Variants in TRPC5 observed in about 807,000 individuals in gnomAD.
The protein encoded by TRPC5 is short transient receptor potential channel 5.
Under a neutral mutation model 56.5 loss-of-function variants are expected in TRPC5, and 9 were observed. That is an observed-to-expected ratio of 0.16 (90% CI 0.10 to 0.28). The LOEUF (loss-of-function observed/expected upper bound fraction) is 0.28, where lower values mean the gene tolerates loss of function less well. TRPC5 is among the 10% of genes least tolerant of loss of function. The probability of loss-of-function intolerance (pLI) is 1.00; values close to 1 mark genes in which losing one functional copy is unlikely to be tolerated. For synonymous variants in TRPC5, 282 were observed against 278.5 expected (o/e 1.01, Z -0.13); for missense variants, 469 against 748.9 (o/e 0.63, Z 4.36).
At chrX:111,966,790 TA>T (rs1350255405) in intron 1 of TRPC5, among the ~76,000 whole-genome samples, 2 of 107,535 alleles carry the variant, frequency 1.9e-5, no homozygotes, top group Non-Finnish European at 3.9e-5. Context: ...CTCTTCATGC[TA>T]AAAACTCTCA....
intron 3 of TRPC5, among the ~76,000 whole-genome samples, chrX:111,864,037 A>G (rs910822055): frequency 9.0e-5 from 10 of 110,998 alleles, no homozygotes; most frequent in African/African-American, 3.3e-4. Context: ...CCCAGGCTGG[A>G]GTGCAGTGGC....
intron 7 of TRPC5, among the ~76,000 whole-genome samples, chrX:111,832,065 A>G (rs1337057119): frequency 2.7e-5 from 3 of 111,662 alleles, no homozygotes; most frequent in Admixed American, 1.9e-4. Context: ...AATCACTGCT[A>G]ATTGTCAATA....
chrX:112,021,356 G>A (rs1929267489), intron 1 of TRPC5, among the ~76,000 whole-genome samples: 1 of 111,696 alleles, frequency 9.0e-6, no homozygotes, highest in Non-Finnish European at 1.9e-5. Context: ...AGGGAGGCCT[G>A]CGGAAGATTA....
intron 1 of TRPC5, among the ~76,000 whole-genome samples, chrX:112,045,624 T>A (rs939723927): frequency 8.9e-6 from 1 of 112,361 alleles, no homozygotes; most frequent in African/African-American, 3.2e-5. Flanking sequence ...ACATGAATTA[T>A]TATACATTTG....
rs1161308680 is a variant in TRPC5 at position 111,825,127 on chromosome X, T to TTTCCTTCCTTCCTTCCTTCCTTCC, written c.1896+9793_1896+9794insGGAAGGAAGGAAGGAAGGAAGGAA. On this transcript the variant is annotated intron_variant, in intron 7 of 10. Transcript: ENST00000262839. ...TTTTCTCTTTCTTTCTTTTCTTTCT[T>TTTCCTTCCTTCCTTCCTTCCTTCC]TTCCTTCCTTCCTTCCTTCCTTTCT... 7.9e-4 allele frequency among the ~76,000 whole-genome samples: 69 copies of TTTCCTTCCTTCCTTCCTTCCTTCC among 86,831 alleles called. 4 individuals carry two copies. The highest frequency in any genetic ancestry group is 4.6e-3 in the African/African-American group (62 of 13,404). 75.4% of individuals were successfully genotyped at this position (86,831 alleles called of 115,157 possible). A position where few individuals can be genotyped will look rare whatever the true frequency, so the allele number is the denominator to read the frequency against.
chrX:111,996,969 C>A (rs912599750), intron 1 of TRPC5, among the ~76,000 whole-genome samples: 1 of 111,431 alleles, frequency 9.0e-6, no homozygotes, highest in African/African-American at 3.3e-5. Context: ...CAGTCTGTGT[C>A]TTTTAATTGG....
intron 2 of TRPC5, among the ~76,000 whole-genome samples, chrX:111,913,056 T>C (rs139558689): frequency 1.3e-3 from 142 of 111,598 alleles, no homozygotes; most frequent in African/African-American, 4.5e-3. Flanking sequence ...GTGAGGTAAA[T>C]ATTCTTCCCA....
intron 1 of TRPC5, among the ~76,000 whole-genome samples, chrX:112,032,439 C>T (rs1349386715): frequency 7.2e-5 from 8 of 111,603 alleles, no homozygotes; most frequent in Non-Finnish European, 1.5e-4. Flanking sequence ...AAAGAGATAC[C>T]TGCATTCCTA....
intron 2 of TRPC5, among the ~76,000 whole-genome samples, chrX:111,918,083 AGGGGGCTTGTG>A (rs1419858872): frequency 9.0e-6 from 1 of 111,046 alleles, no homozygotes; most frequent in Non-Finnish European, 1.9e-5. Context: ...CAAGGGAAAG[AGGGGGCTTGTG>A]GGTAGATCAG....
At chrX:111,994,628 A>G (rs1928466609) in intron 1 of TRPC5, among the ~76,000 whole-genome samples, 1 of 111,096 alleles carries the variant, frequency 9.0e-6, no homozygotes. Flanking sequence ...CATCCCTTGT[A>G]TGTTGGATTC....
chrX:111,806,102 C>A (rs1193919307), intron 7 of TRPC5, among the ~76,000 whole-genome samples: 1 of 111,997 alleles, frequency 8.9e-6, no homozygotes, highest in East Asian at 2.8e-4. Flanking sequence ...TTTTCTATAT[C>A]ATGAATTTTA....
intron 1 of TRPC5, among the ~76,000 whole-genome samples, chrX:111,986,411 G>A (rs1176940097): frequency 1.8e-5 from 2 of 109,778 alleles, no homozygotes; most frequent in Non-Finnish European, 3.8e-5. Context: ...AGTTCTTCTG[G>A]AGTATAGTAT....
intron 7 of TRPC5, among the ~76,000 whole-genome samples, chrX:111,818,036 G>A (rs1315006025): frequency 1.8e-5 from 2 of 111,144 alleles, no homozygotes; most frequent in South Asian, 3.8e-4. Flanking sequence ...TTTGGTATGG[G>A]CACATCAATA....
At chrX:111,974,758 AG>A (rs774070234) in intron 1 of TRPC5, among the ~76,000 whole-genome samples, 12 of 111,335 alleles carry the variant, frequency 1.1e-4, no homozygotes, top group African/African-American at 3.3e-4. Flanking sequence ...TCCCGGGAAA[AG>A]CTTGTCTTTA....
At chrX:111,829,899 G>A (rs189603644) in intron 7 of TRPC5, among the ~76,000 whole-genome samples, 1 of 113,172 alleles carries the variant, frequency 8.8e-6, no homozygotes, top group East Asian at 2.8e-4. Flanking sequence ...GCACTGCCTA[G>A]TAGAGCCATG....
chrX:111,904,646 GGA>G (rs1241411779), intron 3 of TRPC5, among the ~76,000 whole-genome samples: 3 of 110,808 alleles, frequency 2.7e-5, no homozygotes, highest in Non-Finnish European at 5.7e-5. Context: ...GCTGGGGTGG[GGA>G]GAGAGAGCAT....
chrX:111,772,189 C>T lies in TRPC5; in HGVS notation c.*4124G>A, dbSNP rs777066145. 9.0e-6 allele frequency among the ~76,000 whole-genome samples: 1 copy of T among 111,237 alleles called. No homozygotes were observed. Among genetic ancestry groups the T allele is most frequent in the Admixed American group, 9.6e-5 (1 of 10,446 alleles). On this transcript the variant is annotated 3_prime_UTR_variant, in exon 11 of 11. Coordinates refer to ENST00000262839, the MANE Select transcript of TRPC5 (RefSeq NM_012471.3). ...ATTTGGGGTACTCAGATCCCACTGC[C>T]GAGTCCTACACCAACAAGGTGGATA...
chrX:111,911,555 C>T (rs964232698), intron 3 of TRPC5, among the ~76,000 whole-genome samples: 1 of 111,611 alleles, frequency 9.0e-6, no homozygotes, highest in African/African-American at 3.3e-5. Flanking sequence ...CTCTCCCAAA[C>T]TGTCTGATAA....
chrX:112,014,728 C>A (rs1401347915), intron 1 of TRPC5, among the ~76,000 whole-genome samples: 1 of 111,801 alleles, frequency 8.9e-6, no homozygotes, highest in Non-Finnish European at 1.9e-5. Context: ...CCTAGCACTC[C>A]CCTGATCCAA....
Sources: allele counts gnomAD v4.1 joint callset (sites outside exome capture counted in the v4.1 genomes callset), GRCh38; gene constraint gnomAD v4.1.1; transcripts MANE v1.5; gene names NCBI Gene and HGNC (gene_info 2026-07-23, HGNC 2026-07-21).